The following DPP10 variants were observed in gnomAD, a reference collection of about 807,000 sequenced individuals.
The protein encoded by DPP10 is inactive dipeptidyl peptidase 10.
DPP10 carries 33 observed loss-of-function variants against 120.9 expected under a neutral mutation model. The observed-to-expected ratio is 0.27, with a 90% CI of 0.21 to 0.37. The LOEUF is 0.37. Ranked by LOEUF, DPP10 falls within the 10% of genes least tolerant of loss-of-function variation. DPP10 has a pLI of 1.00. For missense variants in DPP10, 816 were observed against 942.8 expected, an observed-to-expected ratio of 0.87 and a Z score of 1.76; for synonymous variants, 337 against 326.1, an observed-to-expected ratio of 1.03 and a Z score of -0.36.
intron 1 of DPP10, among the ~76,000 whole-genome samples, chr2:115,183,388 C>T (rs1458387166): frequency 6.6e-6 from 1 of 152,084 alleles, no homozygotes; most frequent in East Asian, 1.9e-4. Flanking sequence ...GTTAAATGCC[C>T]CCCAGCGGTC....
In DPP10 at chr2:115,840,731, A is replaced by T; in HGVS notation, c.2183-19A>T. Reference sequence around the variant, plus strand: ...CAAGCAGTGTGTTTCTTCAGATATCATAATTTGATTTCTTGCAGCAAAAGT... The same window carrying T: ...CAAGCAGTGTGTTTCTTCAGATATCTTAATTTGATTTCTTGCAGCAAAAGT... On this transcript the variant is annotated intron_variant, in intron 24 of 25. Transcript: ENST00000410059. 1 of 1,610,784 alleles carries T rather than the reference A, an allele frequency of 6.2e-7. No individual in the cohort carries two copies.
chr2:115,441,202 G>C (rs1038190189), intron 3 of DPP10, among the ~76,000 whole-genome samples: 2 of 152,036 alleles, frequency 1.3e-5, no homozygotes, highest in African/African-American at 4.8e-5. Context: ...TTATAAAATT[G>C]GTCACAGGAA....
At chr2:115,741,655 C>A (rs180845396) in intron 9 of DPP10, among the ~76,000 whole-genome samples, 1 of 152,266 alleles carries the variant, frequency 6.6e-6, no homozygotes, top group Admixed American at 6.6e-5. Flanking sequence ...ACAATCACAT[C>A]TGACTGCTCA....
chr2:115,086,526 G>A (rs988674772), intron 1 of DPP10, among the ~76,000 whole-genome samples: 4 of 145,918 alleles, frequency 2.7e-5, no homozygotes, highest in African/African-American at 1.0e-4. Flanking sequence ...GCGCCATCTC[G>A]GCTCACTGCA....
chr2:115,313,713 A>C (rs1252252085), intron 2 of DPP10, among the ~76,000 whole-genome samples: 1 of 152,222 alleles, frequency 6.6e-6, no homozygotes, highest in Non-Finnish European at 1.5e-5. Flanking sequence ...ATGTGCCTTA[A>C]TTTCTAAAAT....
At chr2:115,526,588 G>T (rs1288374232) in intron 5 of DPP10, among the ~76,000 whole-genome samples, 1 of 152,070 alleles carries the variant, frequency 6.6e-6, no homozygotes, top group Non-Finnish European at 1.5e-5. Flanking sequence ...TTGTACTTAG[G>T]TATCATTTGC....
intron 1 of DPP10, among the ~76,000 whole-genome samples, chr2:115,184,218 A>T (rs2105169186): frequency 6.6e-6 from 1 of 152,322 alleles, no homozygotes; most frequent in East Asian, 1.9e-4. Flanking sequence ...TTAGTATTTT[A>T]AACGTGTGTT....
chr2:115,000,321 A>AT (rs1377060440), intron 1 of DPP10, among the ~76,000 whole-genome samples: 1 of 152,188 alleles, frequency 6.6e-6, no homozygotes, highest in Non-Finnish European at 1.5e-5. Flanking sequence ...ACAAACACGC[A>AT]TAAAAAATTG....
intron 3 of DPP10, among the ~76,000 whole-genome samples, chr2:115,404,932 T>A (rs764614704): frequency 3.9e-5 from 6 of 152,230 alleles, no homozygotes; most frequent in South Asian, 2.1e-4. Flanking sequence ...AGTGCCACAT[T>A]GGGGAACATG....
chr2:115,252,920 C>T (rs781252598), intron 1 of DPP10, among the ~76,000 whole-genome samples: 2 of 152,176 alleles, frequency 1.3e-5, no homozygotes, highest in Non-Finnish European at 2.9e-5. Flanking sequence ...TTCCAGCTTT[C>T]TTTTCGTTTT....
chr2:114,445,762 G>A (rs1392032638), intron 1 of DPP10, among the ~76,000 whole-genome samples: 2 of 152,064 alleles, frequency 1.3e-5, no homozygotes, highest in Non-Finnish European at 2.9e-5. Flanking sequence ...TGCTTTGGTC[G>A]TTCTGGCCAT....
chr2:115,606,647 G>A (rs2083724207), intron 5 of DPP10, among the ~76,000 whole-genome samples: 1 of 152,134 alleles, frequency 6.6e-6, no homozygotes, highest in Non-Finnish European at 1.5e-5. Flanking sequence ...AGTCAGTAAG[G>A]AAAGAGCGTT....
chr2:115,252,073 C>G lies in DPP10; in HGVS notation c.61-57166C>G, dbSNP rs566242765. Among the ~76,000 whole-genome samples the G allele has an allele frequency of 3.3e-5, 5 of 152,258 alleles. No individual in the cohort carries two copies. In the South Asian group the frequency reaches 1.0e-3, roughly 32 times the overall value. On this transcript the variant is annotated intron_variant, in intron 1 of 25. Transcript: ENST00000410059. ...TGCCCTTAAGCAGATTCCAAGAGGA[C>G]CTCCTCAATCGGAACATATCGCCTC...
In DPP10 at chr2:115,660,393, A is replaced by G. The variant is rs181252915; in HGVS notation, c.442-29294A>G. Among the ~76,000 whole-genome samples, 3 of 152,342 alleles carry G rather than the reference A, an allele frequency of 2.0e-5. No individual in the cohort carries two copies. The East Asian group carries it at 5.8e-4, about 29-fold the overall frequency. ...AGTCATAAATCAAATATCTGGACATAGGAGTTTAGGCTAAGTAAGTTACAA... is the reference window on the plus strand; with the variant it reads ...AGTCATAAATCAAATATCTGGACATGGGAGTTTAGGCTAAGTAAGTTACAA... On this transcript the variant is annotated intron_variant, in intron 5 of 25. Transcript: ENST00000410059.
At chr2:114,582,014 C>T (rs940586744) in intron 1 of DPP10, among the ~76,000 whole-genome samples, 5 of 152,150 alleles carry the variant, frequency 3.3e-5, no homozygotes, top group African/African-American at 1.2e-4. Flanking sequence ...TGGTATTGTA[C>T]ATTCTATGGG....
chr2:115,218,409 T>C (rs1228617540), intron 1 of DPP10, among the ~76,000 whole-genome samples: 1 of 152,168 alleles, frequency 6.6e-6, no homozygotes, highest in Non-Finnish European at 1.5e-5. Context: ...AGAAAATCTT[T>C]ATTTCCTTAC....
At chr2:114,869,565 C>T (rs1690521253) in intron 1 of DPP10, among the ~76,000 whole-genome samples, 1 of 152,108 alleles carries the variant, frequency 6.6e-6, no homozygotes, top group Admixed American at 6.6e-5. Context: ...AGGCAGCCAA[C>T]CCTAGGTTAT....
At chr2:115,628,697 A>C (rs2149308177) in intron 5 of DPP10, among the ~76,000 whole-genome samples, 1 of 152,150 alleles carries the variant, frequency 6.6e-6, no homozygotes. Context: ...TTTTTGTATA[A>C]GGTGTAAGGA....
At chr2:115,326,881 TCTA>T (rs775976469) in intron 2 of DPP10, among the ~76,000 whole-genome samples, 3 of 152,142 alleles carry the variant, frequency 2.0e-5, no homozygotes, top group East Asian at 1.9e-4. Context: ...CTAAGGTTAA[TCTA>T]CTACTAAAGA....
Sources: allele counts gnomAD v4.1 joint callset (sites outside exome capture counted in the v4.1 genomes callset), GRCh38; gene constraint gnomAD v4.1.1; transcripts MANE v1.5; gene names NCBI Gene and HGNC (gene_info 2026-07-23, HGNC 2026-07-21).